The following DAAM2 variants were observed in gnomAD, a reference collection of about 807,000 sequenced individuals.
DAAM2 encodes dishevelled associated activator of morphogenesis 2.
In DAAM2, 39 loss-of-function variants were observed where a neutral mutation model predicts 120.7. The ratio of observed to expected loss-of-function variants is 0.32; its 90% CI spans 0.25 to 0.42. The LOEUF (loss-of-function observed/expected upper bound fraction) is 0.42. Ranked by LOEUF, DAAM2 falls within the 10% of genes least tolerant of loss-of-function variation. The pLI, the probability that DAAM2 is intolerant of heterozygous loss-of-function variation, is 1.00. For missense variants in DAAM2, 1,283 were observed against 1,401.7 expected (o/e 0.92, Z 1.35); for synonymous variants, 488 against 524.9 (o/e 0.93, Z 0.96).
intron 14 of DAAM2, chr6:39,883,709 G>T: frequency 2.3e-6 from 1 of 431,534 alleles, no homozygotes. Flanking sequence ...CACCCCCCAT[G>T]ATTTCTAGAA....
chr6:39,894,602 G>C (rs558497919), intron 19 of DAAM2, among the ~76,000 whole-genome samples: 121 of 145,086 alleles, frequency 8.3e-4, no homozygotes, highest in Non-Finnish European at 1.3e-3. Context: ...TATCGGTTTT[G>C]AACTTTATTT....
chr6:39,817,853 A>C (rs1052530743), intron 1 of DAAM2, among the ~76,000 whole-genome samples: 10 of 152,048 alleles, frequency 6.6e-5, no homozygotes, highest in African/African-American at 2.4e-4. Context: ...CTCAGAGTCT[A>C]CTGATTTAAG....
chr6:39,876,715 GTGTGTGTGTGTGTGCGTGTGTGTA>G (rs1424383654), intron 11 of DAAM2, among the ~76,000 whole-genome samples: 3 of 104,656 alleles, frequency 2.9e-5, no homozygotes, highest in Non-Finnish European at 6.0e-5. Context: ...GGGTGTGTGT[GTGTGTGTGTGTGTGCGTGTGTGTA>G]TGTGCATATG....
chr6:39,836,169 G>T (rs1276458727), intron 1 of DAAM2, among the ~76,000 whole-genome samples: 1 of 152,136 alleles, frequency 6.6e-6, no homozygotes, highest in African/African-American at 2.4e-5. Flanking sequence ...CTGTGCAGAA[G>T]ATTCCCTCAT....
chr6:39,846,757 A>G (rs1159447449), intron 1 of DAAM2, among the ~76,000 whole-genome samples: 2 of 144,560 alleles, frequency 1.4e-5, no homozygotes, highest in Admixed American at 6.9e-5. Flanking sequence ...ACACTTTATT[A>G]TATTTATTTG....
chr6:39,872,501 C>A (rs1202451178), intron 9 of DAAM2, among the ~76,000 whole-genome samples: 1 of 152,214 alleles, frequency 6.6e-6, no homozygotes, highest in East Asian at 1.9e-4. Flanking sequence ...CCCCTCTCCC[C>A]ATCCCTAACC....
chr6:39,889,604 A>C (rs1231719453), intron 17 of DAAM2, among the ~76,000 whole-genome samples: 1 of 152,208 alleles, frequency 6.6e-6, no homozygotes, highest in Non-Finnish European at 1.5e-5. Context: ...ACAAGAATAA[A>C]GTTGACCCTT....
intron 1 of DAAM2, among the ~76,000 whole-genome samples, chr6:39,830,193 C>A (rs1762827005): frequency 6.6e-6 from 1 of 152,226 alleles, no homozygotes; most frequent in Admixed American, 6.5e-5. Flanking sequence ...TGGGGCAATG[C>A]TGGACTGCAT....
At chr6:39,813,205 C>T (rs1189092661) in intron 1 of DAAM2, among the ~76,000 whole-genome samples, 1 of 151,978 alleles carries the variant, frequency 6.6e-6, no homozygotes, top group East Asian at 1.9e-4. Flanking sequence ...GTTCTCCTCA[C>T]CTACAGGCCA....
intron 1 of DAAM2, among the ~76,000 whole-genome samples, chr6:39,817,529 TA>T (rs1762344174): frequency 6.6e-6 from 1 of 152,112 alleles, no homozygotes; most frequent in African/African-American, 2.4e-5. Flanking sequence ...TCCTCACAAT[TA>T]AAAGCTCTAG....
At chr6:39,794,059 C>G (rs1368666055) in intron 1 of DAAM2, among the ~76,000 whole-genome samples, 3 of 152,126 alleles carry the variant, frequency 2.0e-5, no homozygotes, top group Non-Finnish European at 4.4e-5. Flanking sequence ...CCCAGGGAAG[C>G]TCCATAAAAG....
At chr6:39,898,580 T>C (rs73414837) in intron 21 of DAAM2, among the ~76,000 whole-genome samples, 61 of 152,264 alleles carry the variant, frequency 4.0e-4, no homozygotes, top group African/African-American at 1.4e-3. Context: ...TAAAAATAAA[T>C]AGGTCTAAGC....
At position 39,887,519 on chromosome 6, in the gene DAAM2, G is replaced by A. The variant is rs867511069; in HGVS notation, c.1987G>A (p.Ala663Thr). 2 of 1,613,714 alleles carry A rather than the reference G, an allele frequency of 1.2e-6. No individual in the cohort carries two copies. Among genetic ancestry groups the A allele is most frequent in the Non-Finnish European group, 1.7e-6 (2 of 1,179,776 alleles). The change falls in exon 16 of 25, where the codon GCT becomes ACT. Residue 663 changes from alanine to threonine, a missense_variant. This residue lies in a region of DAAM2 where 748 missense variants were observed against 768.6 expected (regional missense o/e 0.97). Transcript: ENST00000274867. The stretch of plus-strand genomic sequence containing the variant: ...GGGCTCCACTGAAGACATCTACCTG[G>A]CTTCCCGCAAGGTCAAAGAGCTGTC... ...ELGSTEDIYL[A>T]SRKVKELSVI...
At chr6:39,875,618 C>T in intron 11 of DAAM2, 150 bp downstream of exon 11, 1 of 1,021,058 alleles carries the variant, frequency 9.8e-7, no homozygotes. Flanking sequence ...ACTCTCTAAG[C>T]TAATGAAAAA....
intron 1 of DAAM2, among the ~76,000 whole-genome samples, chr6:39,813,897 T>C (rs1762236112): frequency 1.3e-5 from 2 of 152,214 alleles, no homozygotes; most frequent in Admixed American, 6.5e-5. Flanking sequence ...CTGGTTAGTA[T>C]TACCAACTTT....
chr6:39,885,897 T>TC (rs1191015392), intron 15 of DAAM2: 1 of 152,370 alleles, frequency 6.6e-6, no homozygotes, highest in Non-Finnish European at 1.5e-5. Context: ...CCTCTTCAGT[T>TC]CCCCTTGCAC....
intron 1 of DAAM2, among the ~76,000 whole-genome samples, chr6:39,841,873 T>G (rs908214188): frequency 1.3e-5 from 2 of 152,092 alleles, no homozygotes; most frequent in Admixed American, 6.5e-5. Flanking sequence ...AGAGAAAGCA[T>G]CCCTCAAAGC....
At chr6:39,892,873 TAC>T (rs149456314) in intron 19 of DAAM2, among the ~76,000 whole-genome samples, 1 of 151,800 alleles carries the variant, frequency 6.6e-6, no homozygotes, top group Non-Finnish European at 1.5e-5. Context: ...CCCCTCACAC[TAC>T]ACACACACAC....
chr6:39,881,420 C>A (rs1021520885), intron 14 of DAAM2, among the ~76,000 whole-genome samples: 1 of 152,348 alleles, frequency 6.6e-6, no homozygotes, highest in East Asian at 1.9e-4. Context: ...ATAATAATGT[C>A]CATCTCAAGA....
Sources: gnomAD v4.1 joint callset for allele counts (sites outside exome capture counted in the v4.1 genomes callset) on GRCh38, gnomAD v4.1.1 for gene constraint, gnomAD v4.1.1 regional missense constraint, MANE v1.5 for transcripts, NCBI Gene and HGNC (gene_info 2026-07-23, HGNC 2026-07-21) for gene names.